The following HPS4 variants were observed in gnomAD, a reference collection of about 807,000 sequenced individuals.
The protein encoded by HPS4 is HPS4 biogenesis of lysosomal organelles complex 3 subunit 2, also known as BLOC-3 complex member HPS4.
Under a neutral mutation model 70.3 loss-of-function variants are expected in HPS4, and 44 were observed. That is an observed-to-expected ratio of 0.63 (90% confidence interval 0.49 to 0.80). The LOEUF is 0.80. Among genes scored for constraint, HPS4 ranks in the 30% least tolerant of loss-of-function variants. The pLI is 0.00. For synonymous variants in HPS4, 377 were observed against 355.9 expected (o/e 1.06, Z -0.67); for missense variants, 873 against 884.4 (o/e 0.99, Z 0.16).
rs1022235684 is a variant in HPS4, at chr22:26,477,072, T to C, written c.197A>G (p.Asp66Gly). The part of the protein sequence containing the change: ...QIAGVVRCVS[D>G]ISDSPPTLVR... ...AAGAGTAGGAGGAGAGTCAGAAATG[T>C]CAGAAACACAGCGGACAACTCCAGC... The change falls in exon 4 of 14, where the codon GAC becomes GGC. Residue 66 changes from aspartate to glycine, a missense_variant. By Grantham distance (94) the Asp-to-Gly change is moderately conservative. Transcript: ENST00000398145. The C allele has an allele frequency of 3.7e-6, 6 of 1,614,026 alleles. No individual in the cohort carries two copies. The Admixed American group carries it at 8.3e-5, about 22-fold the overall frequency.
rs150057646 is a variant in HPS4 at position 26,464,708 on chromosome 22, T to C, written c.922A>G (p.Thr308Ala). ...TGHVESMAWT[T>A]PDPTSPDEAC... ...TCGTCAGGGGATGTGGGATCTGGGG[T>C]GGTCCAGGCCATGGATTCCACATGG... Residue 308 changes from threonine to alanine, a missense_variant, in exon 11 of 14, where the codon ACC becomes GCC. Physicochemically the swap from Thr to Ala is moderately conservative, Grantham distance 58. Transcript: ENST00000398145. The C allele has an allele frequency of 1.4e-4, 229 of 1,605,264 alleles. 1 individual carries two copies. Among genetic ancestry groups the C allele is most frequent in the South Asian group, 3.0e-4 (27 of 90,380 alleles).
Position 26,465,462 on chromosome 22 carries a change from T to A in HPS4, c.796A>T (p.Met266Leu). The stretch of plus-strand genomic sequence containing the variant: ...CTCTGTGCACTCCATTACCTTGTCA[T>A]CTGTTCCACCGGGAACTCGTGGAGA... ...ISLHEFPVEQMTRSLASPAGL... is the reference protein window; with the variant it reads ...ISLHEFPVEQLTRSLASPAGL... Residue 266 changes from methionine to leucine, a missense_variant, in exon 10 of 14, where the codon ATG (methionine) becomes TTG (leucine). Transcript: ENST00000398145. The A allele has an allele frequency of 1.2e-6, 2 of 1,610,380 alleles. No homozygotes were observed. The highest frequency in any genetic ancestry group is 1.7e-6 in the Non-Finnish European group (2 of 1,176,594).
At chr22:26,444,735 C>A (rs1037345264) in intron 3 of HPS4, 1 of 152,242 alleles carries the variant, frequency 6.6e-6, no homozygotes, top group African/African-American at 2.4e-5. Flanking sequence ...CAGGCAGGTA[C>A]TAGCAAGTGT....
chr22:26,457,833 T>C (rs536669961), intron 13 of HPS4, 26 bp downstream of exon 13: 4 of 1,568,880 alleles, frequency 2.5e-6, no homozygotes, highest in East Asian at 2.2e-5. Context: ...GGAGAGTAGG[T>C]TGGGGAGCGA....
At chr22:26,457,551 T>C (rs902187522) in intron 13 of HPS4, among the ~76,000 whole-genome samples, 7 of 152,122 alleles carry the variant, frequency 4.6e-5, no homozygotes, top group African/African-American at 1.7e-4. Context: ...ATTTCAACAC[T>C]GTTTCTAGCA....
intron 2 of HPS4, among the ~76,000 whole-genome samples, chr22:26,481,518 C>A (rs1482008489): frequency 6.6e-6 from 1 of 152,212 alleles, no homozygotes; most frequent in Non-Finnish European, 1.5e-5. Flanking sequence ...CTCATTCAAA[C>A]ATTGGGAGAG....
At chr22:26,470,106 C>T (rs2089536620) in intron 7 of HPS4, among the ~76,000 whole-genome samples, 1 of 152,264 alleles carries the variant, frequency 6.6e-6, no homozygotes, top group Admixed American at 6.5e-5. Context: ...AGCGCAATGG[C>T]CCTGCCTGCC....
chr22:26,476,927 G>A lies in HPS4; in HGVS notation c.276+66C>T. 3 of 1,567,744 alleles carry A rather than the reference G, an allele frequency of 1.9e-6. 1 individual carries two copies. In the South Asian group the frequency reaches 3.3e-5, roughly 17 times the overall value. On this transcript the variant is annotated intron_variant, in intron 4 of 13. Coordinates refer to ENST00000398145, the MANE Select transcript of HPS4 (RefSeq NM_022081.6). ...CAGATAATTCTAAATTCAAGACTCA[G>A]AAACAACATAACTTCCTAAACTTAT...
downstream of HPS4, chr22:26,443,115 C>T (rs145940727): frequency 1.1e-5 from 17 of 1,614,122 alleles, no homozygotes; most frequent in African/African-American, 1.3e-4. Flanking sequence ...GAGGATGGCC[C>T]ACGGGTGGTT....
downstream of HPS4, among the ~76,000 whole-genome samples, chr22:26,450,402 G>A (rs1185709436): frequency 6.6e-6 from 1 of 152,214 alleles, no homozygotes; most frequent in Non-Finnish European, 1.5e-5. Flanking sequence ...AAATATGCAA[G>A]ACAGACACCA....
chr22:26,457,207 TTAC>T (rs1303951880), intron 13 of HPS4, among the ~76,000 whole-genome samples: 3 of 102,446 alleles, frequency 2.9e-5, no homozygotes, highest in East Asian at 5.2e-4. Context: ...TCAGCACGTA[TTAC>T]TTTTTTTTTT....
downstream of HPS4, among the ~76,000 whole-genome samples, chr22:26,446,532 A>G (rs2084959053): frequency 1.3e-5 from 2 of 152,176 alleles, no homozygotes; most frequent in Admixed American, 1.3e-4. Flanking sequence ...AGTGGGGTCC[A>G]GGCACGGGTC....
At chr22:26,473,251 A>G (rs1219181280) in intron 4 of HPS4, among the ~76,000 whole-genome samples, 1 of 152,216 alleles carries the variant, frequency 6.6e-6, no homozygotes, top group African/African-American at 2.4e-5. Context: ...CCTCGAGCCA[A>G]TAATGCTGAC....
intron 3 of HPS4, among the ~76,000 whole-genome samples, chr22:26,477,525 C>T (rs1304281972): frequency 2.0e-5 from 3 of 152,160 alleles, no homozygotes; most frequent in Non-Finnish European, 4.4e-5. Flanking sequence ...ATCCCCCATA[C>T]GGAGTGGCCA....
Position 26,464,672 on chromosome 22 carries a change from C to G in HPS4, c.958G>C (p.Asp320His), listed in dbSNP as rs143965829. Residue 320 changes from aspartate (D) to histidine (H), a missense_variant, in exon 11 of 14, where the codon GAT becomes CAT. Asp to His is a moderately conservative substitution (Grantham distance 81). Transcript: ENST00000398145. ...AAGCATCCGTTCTCCTTCCTGCCATCTGGACAAGCTTCGTCAGGGGATGTG... is the reference window on the plus strand; with the variant it reads ...AAGCATCCGTTCTCCTTCCTGCCATGTGGACAAGCTTCGTCAGGGGATGTG... ...DPTSPDEACP[D>H]GRKENGCLSG... 1.2e-5 allele frequency: 19 copies of G among 1,611,010 alleles called. No homozygotes were observed. Among genetic ancestry groups the G allele is most frequent in the Middle Eastern group, 1.6e-4 (1 of 6,070 alleles).
downstream of HPS4, among the ~76,000 whole-genome samples, chr22:26,447,063 T>A (rs767706792): frequency 6.6e-6 from 1 of 152,240 alleles, no homozygotes; most frequent in Non-Finnish European, 1.5e-5. Flanking sequence ...GCCAACAGTA[T>A]GAGCCTCTTG....
chr22:26,457,645 C>G (rs1054083765), intron 13 of HPS4, among the ~76,000 whole-genome samples: 6 of 152,216 alleles, frequency 3.9e-5, no homozygotes, highest in Non-Finnish European at 8.8e-5. Flanking sequence ...GGACCCCAAG[C>G]GTCTAAAGTA....
At chr22:26,457,561 A>C (rs1288342188) in intron 13 of HPS4, among the ~76,000 whole-genome samples, 5 of 152,158 alleles carry the variant, frequency 3.3e-5, no homozygotes, top group African/African-American at 1.2e-4. Flanking sequence ...TGTTTCTAGC[A>C]AGGAGACGGA....
At position 26,452,433 on chromosome 22, in the gene HPS4, T is replaced by G. The variant is rs546286332; in HGVS notation, c.*800A>C. The G allele has an allele frequency of 4.5e-6, 2 of 449,298 alleles. No individual in the cohort carries two copies. Among genetic ancestry groups the G allele is most frequent in the Non-Finnish European group, 8.9e-6 (2 of 224,720 alleles). 27.8% of individuals were successfully genotyped at this position (449,298 alleles called of 1,614,324 possible). On this transcript the variant is annotated 3_prime_UTR_variant, in exon 14 of 14. Transcript: ENST00000398145. ...AGCACAGTGCTTTTACCCCCAGACATCTTGTAAACTCCTATTTAGGGACAC... is the reference window on the plus strand; with the variant it reads ...AGCACAGTGCTTTTACCCCCAGACAGCTTGTAAACTCCTATTTAGGGACAC...
Sources: allele counts gnomAD v4.1 joint callset (sites outside exome capture counted in the v4.1 genomes callset), GRCh38; gene constraint gnomAD v4.1.1; transcripts MANE v1.5; gene names NCBI Gene and HGNC (gene_info 2026-07-23, HGNC 2026-07-21).